Variants in CHN1 observed in about 807,000 individuals in gnomAD.
CHN1 encodes chimerin 1.
Under a neutral mutation model 59.5 loss-of-function variants are expected in CHN1, and 37 were observed. The observed-to-expected ratio is 0.62, with a 90% CI of 0.48 to 0.82. CHN1 has a LOEUF of 0.82. Among genes scored for constraint, CHN1 ranks in the 40% least tolerant of loss-of-function variants. CHN1 has a pLI of 0.00. For missense variants in CHN1, 469 were observed against 571.0 expected (o/e 0.82, Z 1.82); for synonymous variants, 206 against 200.4 (o/e 1.03, Z -0.24).
intron 7 of CHN1, among the ~76,000 whole-genome samples, chr2:174,837,882 C>T (rs1353907148): frequency 6.6e-6 from 1 of 152,096 alleles, no homozygotes. Context: ...TTTCTACTTT[C>T]TATCCTTTGG....
intron 3 of CHN1, among the ~76,000 whole-genome samples, chr2:174,928,328 T>G (rs550966693): frequency 6.6e-6 from 1 of 152,206 alleles, no homozygotes; most frequent in Non-Finnish European, 1.5e-5. Context: ...TCTTATAAAT[T>G]ATTCATCATA....
chr2:174,912,250 G>C lies in CHN1; in HGVS notation c.260+2808C>G, dbSNP rs1688725433. Among the ~76,000 whole-genome samples, 4 of 152,314 alleles carry C rather than the reference G, an allele frequency of 2.6e-5. 1 individual carries two copies. In the South Asian group the frequency reaches 8.3e-4, roughly 32 times the overall value. ...ACACAATTTTCACAGCAGAAAATAT[G>C]TATTTGATACGAAGTATAGTGTGTA... On this transcript the variant is annotated intron_variant, in intron 5 of 12. Transcript: ENST00000409900.
chr2:174,962,513 C>T (rs1475178448), intron 1 of CHN1, among the ~76,000 whole-genome samples: 1 of 152,120 alleles, frequency 6.6e-6, no homozygotes, highest in Non-Finnish European at 1.5e-5. Context: ...CCAGACCCAG[C>T]TTATGAACCT....
At chr2:174,801,639 C>T in intron 12 of CHN1, 68 bp downstream of exon 12, 13 of 1,074,472 alleles carry the variant, frequency 1.2e-5, no homozygotes, top group South Asian at 7.0e-5. Context: ...TTTCTTTCAC[C>T]CTTCATTTCA....
intron 6 of CHN1, among the ~76,000 whole-genome samples, chr2:174,875,173 C>T (rs1302343129): frequency 6.6e-6 from 1 of 152,042 alleles, no homozygotes; most frequent in East Asian, 1.9e-4. Flanking sequence ...CCATGCCCGG[C>T]CAGGATCAAA....
chr2:174,843,788 G>A (rs532094561), intron 7 of CHN1, among the ~76,000 whole-genome samples: 3 of 151,980 alleles, frequency 2.0e-5, no homozygotes, highest in East Asian at 1.9e-4. Flanking sequence ...CAATTTTTCC[G>A]ATGTAGAGAG....
chr2:174,812,609 G>T, intron 8 of CHN1, 127 bp from the exon 9 acceptor site: 1 of 710,150 alleles, frequency 1.4e-6, no homozygotes, highest in Non-Finnish European at 2.3e-6. Context: ...GACTCCAGCA[G>T]TTCTTTCTTG....
At chr2:174,837,937 C>T (rs56216075) in intron 7 of CHN1, among the ~76,000 whole-genome samples, 1,553 of 152,228 alleles carry the variant, frequency 0.01, 19 homozygotes, top group Non-Finnish European at 0.012. Context: ...TGCACTATTA[C>T]ATAACAAATG....
At position 174,988,387 on chromosome 2, in the gene CHN1, G is replaced by C. The variant is rs189636039; in HGVS notation, c.19+16507C>G. Reference sequence around the variant, plus strand: ...AAAAAAAAAAAAGACCAAATACTTGGGGAAAAATAGGTGAACATTTTGGCC... The same window carrying C: ...AAAAAAAAAAAAGACCAAATACTTGCGGAAAAATAGGTGAACATTTTGGCC... On this transcript the variant is annotated intron_variant, in intron 1 of 12. Transcript: ENST00000409900. 5.9e-3 allele frequency among the ~76,000 whole-genome samples: 893 copies of C among 151,748 alleles called. 4 individuals are homozygous for C. The highest frequency in any genetic ancestry group is 9.0e-3 in the Non-Finnish European group (609 of 67,900).
At chr2:174,857,644 G>A (rs1251325682) in intron 6 of CHN1, among the ~76,000 whole-genome samples, 1 of 152,126 alleles carries the variant, frequency 6.6e-6, no homozygotes, top group Non-Finnish European at 1.5e-5. Flanking sequence ...CTAATCAAAA[G>A]CTGAAACTGG....
chr2:174,944,983 C>T (rs1160392832), intron 2 of CHN1, 40 bp from the exon 3 acceptor site: 1 of 1,402,808 alleles, frequency 7.1e-7, no homozygotes, highest in Non-Finnish European at 9.9e-7. Flanking sequence ...ATGTCCCTTA[C>T]ATAGAACTTA....
chr2:174,883,867 A>T (rs191687180), intron 5 of CHN1, among the ~76,000 whole-genome samples: 70 of 152,098 alleles, frequency 4.6e-4, no homozygotes, highest in East Asian at 3.9e-3. Flanking sequence ...AAGTTTTTTT[A>T]AAAAAGTTGA....
intron 5 of CHN1, among the ~76,000 whole-genome samples, chr2:174,903,715 T>G (rs1022472451): frequency 1.3e-5 from 2 of 152,236 alleles, no homozygotes; most frequent in African/African-American, 4.8e-5. Context: ...ACAAGGTTAC[T>G]ATAAAATTAT....
At chr2:174,936,472 T>C (rs1402726719) in intron 3 of CHN1, among the ~76,000 whole-genome samples, 1 of 152,196 alleles carries the variant, frequency 6.6e-6, no homozygotes, top group Non-Finnish European at 1.5e-5. Context: ...TAATTTATAC[T>C]TGTGTCTACT....
intron 8 of CHN1, among the ~76,000 whole-genome samples, chr2:174,817,919 G>A (rs1685336170): frequency 6.6e-6 from 1 of 152,284 alleles, no homozygotes. Context: ...TTACAGGCAT[G>A]AGCCATCGCG....
intron 7 of CHN1, among the ~76,000 whole-genome samples, chr2:174,839,772 T>TTTTG (rs1403677061): frequency 2.0e-5 from 3 of 152,108 alleles, no homozygotes; most frequent in Admixed American, 6.5e-5. Flanking sequence ...CCCAGCTAAG[T>TTTTG]TTTGTATTTT....
chr2:174,846,462 T>C, intron 7 of CHN1: 1 of 1,510,634 alleles, frequency 6.6e-7, no homozygotes, highest in Non-Finnish European at 8.9e-7. Flanking sequence ...AACCATCTGC[T>C]CAATCCAGAT....
chr2:174,804,894 A>G (rs1346161688), intron 11 of CHN1, among the ~76,000 whole-genome samples: 2 of 152,238 alleles, frequency 1.3e-5, no homozygotes, highest in Admixed American at 6.5e-5. Flanking sequence ...ATACATTTGG[A>G]AACAAATGAC....
At chr2:174,964,477 G>A (rs1006584389) in intron 1 of CHN1, among the ~76,000 whole-genome samples, 1 of 152,220 alleles carries the variant, frequency 6.6e-6, no homozygotes, top group Non-Finnish European at 1.5e-5. Flanking sequence ...ATCAGACAGA[G>A]AAAAGTCCTC....
Sources: allele counts gnomAD v4.1 joint callset (sites outside exome capture counted in the v4.1 genomes callset), GRCh38; gene constraint gnomAD v4.1.1; transcripts MANE v1.5; gene names NCBI Gene and HGNC (gene_info 2026-07-23, HGNC 2026-07-21).